The following SMARCA4 variants were observed in gnomAD, a reference collection of about 807,000 sequenced individuals.
SMARCA4 encodes the protein SWI/SNF-related matrix-associated actin-dependent regulator of chromatin subfamily A member 4.
SMARCA4 carries 31 observed loss-of-function variants against 193.9 expected under a neutral mutation model. That is an observed-to-expected ratio of 0.16 (90% CI 0.12 to 0.22). The LOEUF (loss-of-function observed/expected upper bound fraction) is 0.22. SMARCA4 is among the 10% of genes least tolerant of loss of function. The pLI is 1.00. For synonymous variants in SMARCA4, 942 were observed against 933.1 expected (o/e 1.01, Z -0.17); for missense variants, 1,148 against 2,296.0 (o/e 0.50, Z 10.22).
intron 16 of SMARCA4, among the ~76,000 whole-genome samples, chr19:11,017,821 C>G: frequency 6.6e-6 from 1 of 152,244 alleles, no homozygotes; most frequent in East Asian, 1.9e-4. Flanking sequence ...AGGTTTCTGC[C>G]CAGTCATTCT....
intron 30 of SMARCA4, among the ~76,000 whole-genome samples, chr19:11,055,072 G>A (rs1367412179): frequency 6.6e-6 from 1 of 152,198 alleles, no homozygotes; most frequent in Non-Finnish European, 1.5e-5. Flanking sequence ...AGGACCTCCA[G>A]GGAACTCTGC....
chr19:11,038,093 A>G (rs548060897), intron 29 of SMARCA4, among the ~76,000 whole-genome samples: 64 of 152,284 alleles, frequency 4.2e-4, no homozygotes, highest in African/African-American at 1.4e-3. Flanking sequence ...AGCCTAAAGC[A>G]ACAGAACTAT....
chr19:11,037,068 A>G (rs376315866), intron 29 of SMARCA4, among the ~76,000 whole-genome samples: 1 of 152,226 alleles, frequency 6.6e-6, no homozygotes, highest in Non-Finnish European at 1.5e-5. Context: ...CTTTCGGGCT[A>G]TTACAAACAA....
intron 11 of SMARCA4, among the ~76,000 whole-genome samples, chr19:11,000,526 AG>A (rs2087530315): frequency 6.6e-6 from 1 of 151,884 alleles, no homozygotes; most frequent in African/African-American, 2.4e-5. Flanking sequence ...TACTTGAGAC[AG>A]GGTCTCTCTC....
chr19:10,994,107 T>C (rs1173423655), intron 8 of SMARCA4, among the ~76,000 whole-genome samples: 1 of 151,988 alleles, frequency 6.6e-6, no homozygotes, highest in East Asian at 1.9e-4. Flanking sequence ...TGGTGCGATC[T>C]CAGCTCACTG....
chr19:11,060,077 C>A lies in SMARCA4; in HGVS notation c.4801C>A (p.Arg1601=), dbSNP rs766797299. The part of the protein sequence containing the change: ...RSVKVKIKLG[R]KEKAQDRLKG... Reference sequence around the variant, plus strand: ...CGTCAAAGTGAAGATCAAGCTTGGCCGGAAGGAGAAGGCACAGGACCGGCT... The same window carrying A: ...CGTCAAAGTGAAGATCAAGCTTGGCAGGAAGGAGAAGGCACAGGACCGGCT... The change falls in exon 34 of 35, where the codon CGG becomes AGG. Residue 1601 remains arginine (R), a synonymous_variant. Coordinates refer to ENST00000344626, the MANE Select transcript of SMARCA4 (RefSeq NM_003072.5). 1 of 1,554,642 alleles carries A rather than the reference C, an allele frequency of 6.4e-7. No individual in the cohort carries two copies. The highest frequency in any genetic ancestry group is 8.7e-7 in the Non-Finnish European group (1 of 1,148,922).
Position 11,010,495 on chromosome 19 carries a change from A to G in SMARCA4, c.2238A>G (p.Ser746=), listed in dbSNP as rs1156401460. The change falls in exon 15 of 35, where the codon TCA becomes TCG. Residue 746 remains serine, a synonymous_variant. Coordinates refer to ENST00000344626, the MANE Select transcript of SMARCA4 (RefSeq NM_003072.5). ...TCACTGAGAGAGTGGACAAGCAGTC[A>G]GCGCTTATGGTCAATGGTGTCCTCA... ...HAVTERVDKQ[S]ALMVNGVLKQ... 1 of 1,614,116 alleles carries G rather than the reference A, an allele frequency of 6.2e-7. No homozygotes were observed. Among genetic ancestry groups the G allele is most frequent in the Admixed American group, 1.7e-5 (1 of 60,020 alleles).
rs900669906 is a variant in SMARCA4, at chr19:10,987,164, A to G, written c.859+161A>G. ...TGGTCCCCGGGTCTCCCCTGTAGCC[A>G]GTCAGTTCCCAAAGGCTGTCGTTCA... is the stretch of plus-strand genomic sequence containing the variant. On this transcript the variant is annotated intron_variant, in intron 5 of 34. Coordinates refer to ENST00000344626, the MANE Select transcript of SMARCA4 (RefSeq NM_003072.5). This position sits in a 1 kb window ranked among gnomAD's most constrained non-coding sequence, Gnocchi z 5.3. Among the ~76,000 whole-genome samples, 3 of 152,164 alleles carry G rather than the reference A, an allele frequency of 2.0e-5. No individual in the cohort carries two copies. The highest frequency in any genetic ancestry group is 7.2e-5 in the African/African-American group (3 of 41,432).
intron 13 of SMARCA4, among the ~76,000 whole-genome samples, chr19:11,007,259 G>A (rs920429855): frequency 6.6e-6 from 1 of 151,830 alleles, no homozygotes; most frequent in Non-Finnish European, 1.5e-5. Context: ...GTGAAACCCC[G>A]TCTCTACTAA....
At chr19:11,051,010 G>A (rs970129958) in intron 30 of SMARCA4, among the ~76,000 whole-genome samples, 1 of 152,260 alleles carries the variant, frequency 6.6e-6, no homozygotes, top group African/African-American at 2.4e-5. Context: ...TAGGCTGGGT[G>A]CAGGGCACTG....
At position 11,041,198 on chromosome 19, in the gene SMARCA4, G is replaced by C; in HGVS notation, c.4171-109G>C. On this transcript the variant is annotated intron_variant, in intron 29 of 34. Transcript: ENST00000344626. The surrounding 1 kb of genome is among the most constrained non-coding windows in gnomAD (Gnocchi z 5.6). ...GCCAGTCAAGCTGAAGGGAGAGCGG[G>C]TGCGGGGGCCCTCCTCCGTGTCCCA... The C allele has an allele frequency of 1.7e-6, 2 of 1,186,740 alleles. No individual in the cohort carries two copies. The highest frequency in any genetic ancestry group is 2.4e-6 in the Non-Finnish European group (2 of 838,508). The allele number at this position is 1,186,740 out of a possible 1,614,324, so 73.5% of individuals were successfully genotyped here. A position where few individuals can be genotyped will look rare whatever the true frequency, so the allele number is the denominator to read the frequency against.
rs1369591806 is a variant in SMARCA4 at position 10,969,421 on chromosome 19, ATTTC to A, written c.-32+8255_-32+8258del. On this transcript the variant is annotated intron_variant, in intron 1 of 34. Coordinates refer to ENST00000344626, the MANE Select transcript of SMARCA4 (RefSeq NM_003072.5). ...GCCACCACGCCTGGCGCCTTTTTAT[ATTTC>A]TTTCTTTTTTTTTTCTTTTTTTGAG... is the stretch of plus-strand genomic sequence containing the variant. 4.1e-5 allele frequency among the ~76,000 whole-genome samples: 6 copies of A among 147,660 alleles called. No homozygotes were observed. The East Asian group carries it at 1.2e-3, about 30-fold the overall frequency.
At chr19:11,060,662 C>T (rs2076813221) in intron 34 of SMARCA4, among the ~76,000 whole-genome samples, 1 of 152,198 alleles carries the variant, frequency 6.6e-6, no homozygotes, top group Admixed American at 6.5e-5. Context: ...CACTTGCTGG[C>T]TTTAAATAAT....
chr19:11,053,083 G>T (rs2076349417), intron 30 of SMARCA4, among the ~76,000 whole-genome samples: 2 of 152,248 alleles, frequency 1.3e-5, no homozygotes, highest in East Asian at 3.9e-4. Context: ...TCTTGGTGGG[G>T]AGTGAGATCA....
At chr19:11,004,639 C>T (rs1340125718) in intron 13 of SMARCA4, among the ~76,000 whole-genome samples, 1 of 152,222 alleles carries the variant, frequency 6.6e-6, no homozygotes, top group Non-Finnish European at 1.5e-5. Context: ...CCTGAATCTA[C>T]AACAGCATAT....
intron 1 of SMARCA4, among the ~76,000 whole-genome samples, chr19:10,970,332 T>G (rs977442706): frequency 3.3e-5 from 5 of 152,198 alleles, no homozygotes; most frequent in Non-Finnish European, 7.3e-5. Context: ...AGGAGGGGGT[T>G]GTGGGAATTC....
chr19:10,963,087 G>T (rs1386228898), intron 1 of SMARCA4, among the ~76,000 whole-genome samples: 2 of 152,086 alleles, frequency 1.3e-5, no homozygotes, highest in Non-Finnish European at 2.9e-5. Flanking sequence ...AAGGCTTGGT[G>T]CAGGGCCAGG....
intron 15 of SMARCA4, chr19:11,011,103 C>T (rs1210328573): frequency 5.1e-6 from 1 of 195,106 alleles, no homozygotes; most frequent in Non-Finnish European, 1.1e-5. Context: ...AGTCACGAAA[C>T]AGAGCTGCTC....
At chr19:11,048,674 TGTGTTGGGGCCAGACCCTTTTGGA>T (rs1340899630) in intron 30 of SMARCA4, among the ~76,000 whole-genome samples, 1 of 152,210 alleles carries the variant, frequency 6.6e-6, no homozygotes, top group Non-Finnish European at 1.5e-5. Context: ...CACCCGCTGC[TGTGTTGGGGCCAGACCCTTTTGGA>T]GAGGCAGGGA....
Sources: gnomAD v4.1 joint callset for allele counts (sites outside exome capture counted in the v4.1 genomes callset) on GRCh38, gnomAD v4.1.1 for gene constraint, Gnocchi (gnomAD v3.1) non-coding constraint, MANE v1.5 for transcripts, NCBI Gene and HGNC (gene_info 2026-07-23, HGNC 2026-07-21) for gene names.